Variants in YES1 observed in about 807,000 individuals in gnomAD.
YES1 encodes the protein YES proto-oncogene 1, Src family tyrosine kinase.
A neutral mutation model predicts 70.4 loss-of-function variants in YES1; 39 were observed. That is an observed-to-expected ratio of 0.55 (90% CI 0.43 to 0.72). The LOEUF (loss-of-function observed/expected upper bound fraction) is 0.72, where lower values mean the gene tolerates loss of function less well. YES1 is among the 30% of genes least tolerant of loss of function. The pLI, the probability that YES1 is intolerant of heterozygous loss-of-function variation, is 0.00. For synonymous variants in YES1, 198 were observed against 218.6 expected (o/e 0.91, Z 0.83); for missense variants, 495 against 644.8 (o/e 0.77, Z 2.52).
intron 1 of YES1, among the ~76,000 whole-genome samples, chr18:790,276 T>C (rs1385969056): frequency 1.3e-5 from 2 of 152,162 alleles, no homozygotes; most frequent in Non-Finnish European, 2.9e-5. Flanking sequence ...CTTGGGAGGC[T>C]GAGGCAGGAG....
At chr18:751,489 G>A (rs1230782227) in intron 3 of YES1, among the ~76,000 whole-genome samples, 2 of 152,136 alleles carry the variant, frequency 1.3e-5, no homozygotes, top group Non-Finnish European at 2.9e-5. Context: ...TACTGTTTAT[G>A]GCAGAACCAC....
intron 1 of YES1, among the ~76,000 whole-genome samples, chr18:807,370 A>C (rs991531676): frequency 6.6e-6 from 1 of 150,988 alleles, no homozygotes; most frequent in Non-Finnish European, 1.5e-5. Context: ...ATGGTGGTGC[A>C]CACCTGTGGT....
At chr18:727,060 CT>C (rs1185510088) in intron 11 of YES1, among the ~76,000 whole-genome samples, 27 of 152,050 alleles carry the variant, frequency 1.8e-4, no homozygotes, top group Non-Finnish European at 1.5e-5. Flanking sequence ...TCTTTTTCTT[CT>C]TTAAAGATGG....
chr18:769,197 G>A (rs1024401254), intron 1 of YES1, among the ~76,000 whole-genome samples: 4 of 152,112 alleles, frequency 2.6e-5, no homozygotes, highest in East Asian at 3.9e-4. Flanking sequence ...TGATGAAATC[G>A]CCTGATGACA....
At chr18:774,471 A>T (rs1284399697) in intron 1 of YES1, among the ~76,000 whole-genome samples, 1 of 152,120 alleles carries the variant, frequency 6.6e-6, no homozygotes, top group Non-Finnish European at 1.5e-5. Flanking sequence ...TTCCTCCCCA[A>T]AGCAGCTCCT....
At chr18:782,265 G>C (rs1905710788) in intron 1 of YES1, among the ~76,000 whole-genome samples, 1 of 152,158 alleles carries the variant, frequency 6.6e-6, no homozygotes, top group African/African-American at 2.4e-5. Context: ...GCTGGCAATA[G>C]TCCCAGAGTT....
intron 3 of YES1, among the ~76,000 whole-genome samples, chr18:750,472 T>A (rs1479676553): frequency 6.6e-6 from 1 of 152,184 alleles, no homozygotes; most frequent in Non-Finnish European, 1.5e-5. Flanking sequence ...TATTTACCAA[T>A]ATCCCTGGCC....
At chr18:806,740 G>A (rs182588906) in intron 1 of YES1, among the ~76,000 whole-genome samples, 4 of 152,302 alleles carry the variant, frequency 2.6e-5, no homozygotes, top group Non-Finnish European at 4.4e-5. Flanking sequence ...GCACAAAGAG[G>A]TCATAACACC....
rs2145703951 is a variant in YES1 at position 742,135 on chromosome 18, T to C, written c.1060+783A>G. Among the ~76,000 whole-genome samples, 2 of 152,250 alleles carry C rather than the reference T, an allele frequency of 1.3e-5. 1 individual carries two copies. The highest frequency in any genetic ancestry group is 4.1e-4 in the South Asian group (2 of 4,822). ...AGAGTAAAAATAATAATAAAGCAGA[T>C]GAAATCAAACACATAAAAATCAGGC... On this transcript the variant is annotated intron_variant, in intron 8 of 11. Coordinates refer to ENST00000314574, the MANE Select transcript of YES1 (RefSeq NM_005433.4).
chr18:762,631 T>C (rs188706979), intron 1 of YES1, among the ~76,000 whole-genome samples: 28 of 152,242 alleles, frequency 1.8e-4, no homozygotes, highest in Non-Finnish European at 3.4e-4. Context: ...CATTATGGGA[T>C]TAAAAAAAAC....
At chr18:803,162 G>C (rs1906913032) in intron 1 of YES1, among the ~76,000 whole-genome samples, 1 of 152,196 alleles carries the variant, frequency 6.6e-6, no homozygotes, top group Non-Finnish European at 1.5e-5. Context: ...TTGAACCTGG[G>C]AGGCAGAAGT....
chr18:778,831 A>G (rs1905513357), intron 1 of YES1, among the ~76,000 whole-genome samples: 1 of 152,238 alleles, frequency 6.6e-6, no homozygotes, highest in African/African-American at 2.4e-5. Context: ...AGAAGGAAGC[A>G]GCAGACTACT....
intron 1 of YES1, among the ~76,000 whole-genome samples, chr18:802,251 T>C (rs1238446002): frequency 6.6e-6 from 1 of 150,784 alleles, no homozygotes; most frequent in African/African-American, 2.4e-5. Context: ...CCATCTCTCT[T>C]AAAAAAGAAA....
intron 1 of YES1, among the ~76,000 whole-genome samples, chr18:773,454 T>C (rs932498638): frequency 6.6e-6 from 1 of 152,194 alleles, no homozygotes; most frequent in Non-Finnish European, 1.5e-5. Context: ...GGTTGTCTTG[T>C]CACCCCCTAA....
chr18:809,978 C>G (rs913572447), intron 1 of YES1, among the ~76,000 whole-genome samples: 1 of 150,886 alleles, frequency 6.6e-6, no homozygotes, highest in Admixed American at 6.6e-5. Context: ...TTCTATGCTT[C>G]TATTTTTACG....
At chr18:762,113 G>C (rs536098838) in intron 1 of YES1, among the ~76,000 whole-genome samples, 157 of 152,296 alleles carry the variant, frequency 1.0e-3, no homozygotes, top group Middle Eastern at 3.4e-3. Context: ...CTGAGATTGG[G>C]AGTTTGAGAC....
intron 1 of YES1, among the ~76,000 whole-genome samples, chr18:757,311 G>A (rs184463769): frequency 0.053 from 8,021 of 151,848 alleles, 273 homozygotes; most frequent in Non-Finnish European, 0.079. Flanking sequence ...AGACCATCCT[G>A]GCTAACACGG....
At chr18:770,672 T>G (rs1905112509) in intron 1 of YES1, among the ~76,000 whole-genome samples, 1 of 152,122 alleles carries the variant, frequency 6.6e-6, no homozygotes, top group Admixed American at 6.6e-5. Context: ...CCAGGGTGGG[T>G]GGGTGCCTGT....
intron 10 of YES1, 114 bp downstream of exon 10, chr18:736,692 CTA>C: frequency 7.4e-7 from 1 of 1,351,640 alleles, no homozygotes. Flanking sequence ...ATCAATGTCT[CTA>C]TGACTCTTCT....
Sources: allele counts gnomAD v4.1 joint callset (sites outside exome capture counted in the v4.1 genomes callset), GRCh38; gene constraint gnomAD v4.1.1; transcripts MANE v1.5; gene names NCBI Gene and HGNC (gene_info 2026-07-23, HGNC 2026-07-21).